Variants in AKAP10 observed in about 807,000 individuals in gnomAD.
AKAP10 encodes the protein A-kinase anchoring protein 10, also known as A-kinase anchor protein 10, mitochondrial.
A neutral mutation model predicts 80.8 loss-of-function variants in AKAP10; 24 were observed. The observed-to-expected ratio is 0.30, with a 90% confidence interval of 0.22 to 0.42. The LOEUF (loss-of-function observed/expected upper bound fraction) is 0.42. AKAP10 is among the 10% of genes least tolerant of loss of function. AKAP10 has a pLI of 1.00. For synonymous variants in AKAP10, 291 were observed against 277.7 expected, an observed-to-expected ratio of 1.05 and a Z score of -0.48; for missense variants, 661 against 794.9, an observed-to-expected ratio of 0.83 and a Z score of 2.03.
intron 14 of AKAP10, among the ~76,000 whole-genome samples, chr17:19,906,437 G>A (rs921923438): frequency 2.0e-5 from 3 of 152,152 alleles, no homozygotes; most frequent in South Asian, 4.1e-4. Context: ...AAGAGGTTAC[G>A]TAACTTACCC....
At position 19,924,512 on chromosome 17, in the gene AKAP10, A is replaced by C. The variant is rs772936898; in HGVS notation, c.1647T>G (p.Ser549Arg). 6.3e-7 allele frequency: 1 copy of C among 1,589,684 alleles called. No individual in the cohort carries two copies. Among genetic ancestry groups the C allele is most frequent in the Non-Finnish European group, 8.6e-7 (1 of 1,162,464 alleles). ...GTATTTTAATACTGGCTTTTTTCAC[A>C]CTGGACTACAATAGAAATTGTAAAA... ...GSSDSSASQSSVKKASIKILK... is the reference protein window; with the variant it reads ...GSSDSSASQSRVKKASIKILK... Residue 549 changes from serine to arginine, a missense_variant, in exon 11 of 15, where the codon AGT becomes AGG. Coordinates refer to ENST00000225737, the MANE Select transcript of AKAP10 (RefSeq NM_007202.4).
intron 3 of AKAP10, 107 bp downstream of exon 3, chr17:19,962,733 T>G: frequency 8.4e-7 from 1 of 1,184,912 alleles, no homozygotes; most frequent in Non-Finnish European, 1.2e-6. Flanking sequence ...AATACATTTT[T>G]TCCAAAGCAC....
Position 19,975,621 on chromosome 17 carries a change from C to T in AKAP10, c.88+1971G>A, listed in dbSNP as rs563090738. 3.7e-4 allele frequency among the ~76,000 whole-genome samples: 56 copies of T among 152,334 alleles called. 3 individuals carry two copies. The South Asian group carries it at 0.011, about 31-fold the overall frequency. On this transcript the variant is annotated intron_variant, in intron 1 of 14. Transcript: ENST00000225737. ...TTGTAAGTATACACCTATACACACA[C>T]ACTTACATGGAGCGAAAGGGAGAAG...
intron 11 of AKAP10, among the ~76,000 whole-genome samples, chr17:19,922,230 GA>G (rs551177587): frequency 6.5e-4 from 99 of 152,214 alleles, no homozygotes; most frequent in African/African-American, 2.3e-3. Context: ...TCGGTTAAAA[GA>G]AAAATTCTGT....
At chr17:19,907,712 C>A (rs1171961706) in intron 14 of AKAP10, among the ~76,000 whole-genome samples, 2 of 151,836 alleles carry the variant, frequency 1.3e-5, no homozygotes, top group Non-Finnish European at 2.9e-5. Flanking sequence ...GCCACTTGAA[C>A]ATATTTTTAA....
intron 2 of AKAP10, among the ~76,000 whole-genome samples, chr17:19,967,379 T>C (rs963463793): frequency 1.3e-5 from 2 of 152,252 alleles, no homozygotes; most frequent in Non-Finnish European, 2.9e-5. Context: ...ACCATACTTC[T>C]GGATAAATGA....
intron 11 of AKAP10, 33 bp from the exon 12 acceptor site, chr17:19,920,151 T>C: frequency 6.8e-7 from 1 of 1,472,984 alleles, no homozygotes; most frequent in South Asian, 1.2e-5. Context: ...CTTTAACTTC[T>C]AACAATCAGT....
chr17:19,972,912 C>A (rs1441072557), intron 1 of AKAP10, among the ~76,000 whole-genome samples: 1 of 152,070 alleles, frequency 6.6e-6, no homozygotes, highest in African/African-American at 2.4e-5. Context: ...ACATTCCAGG[C>A]TCTTATTTAC....
Position 19,909,932 on chromosome 17 carries a change from A to G in AKAP10, c.1881T>C (p.Thr627=). 1 of 1,613,682 alleles carries G rather than the reference A, an allele frequency of 6.2e-7. No individual in the cohort carries two copies. The change falls in exon 13 of 15, where the codon ACT becomes ACC. Residue 627 remains threonine, a synonymous_variant. Transcript: ENST00000225737. ...QAMKKWVQGN[T]DEAQEELAWK... ...TCCTAAAGGTAGGATTTACCTCATC[A>G]GTATTTCCTTGCACCCATTTCTTCA...
At chr17:19,935,734 C>G (rs2042985385) in intron 9 of AKAP10, among the ~76,000 whole-genome samples, 1 of 152,102 alleles carries the variant, frequency 6.6e-6, no homozygotes, top group Non-Finnish European at 1.5e-5. Context: ...TCTTGTCCCA[C>G]TGGAAGGTCT....
chr17:19,953,038 A>T (rs958562656), intron 4 of AKAP10, among the ~76,000 whole-genome samples: 4 of 152,114 alleles, frequency 2.6e-5, no homozygotes, highest in African/African-American at 4.8e-5. Flanking sequence ...TTAAAAATTA[A>T]TAAATGAAAT....
At chr17:19,927,910 C>CAA (rs1321932725) in intron 10 of AKAP10, among the ~76,000 whole-genome samples, 1 of 137,740 alleles carries the variant, frequency 7.3e-6, no homozygotes. Flanking sequence ...GACTCCTTCT[C>CAA]AAAAAAAAAA....
rs574265314 is a variant in AKAP10 at position 19,956,862 on chromosome 17, G to A, written c.877+1152C>T. 2.0e-4 allele frequency among the ~76,000 whole-genome samples: 31 copies of A among 152,192 alleles called. 1 individual carries two copies. The South Asian group carries it at 6.4e-3, about 32-fold the overall frequency. On this transcript the variant is annotated intron_variant, in intron 4 of 14. Transcript: ENST00000225737. ...TCTACTAAAATATAAAAATTAGCCA[G>A]GAGTGGTGGCGGGCGCCTGTAATCC...
At chr17:19,907,410 C>G (rs2042642677) in intron 14 of AKAP10, among the ~76,000 whole-genome samples, 1 of 136,412 alleles carries the variant, frequency 7.3e-6, no homozygotes, top group South Asian at 2.3e-4. Context: ...TTTTCTTTAA[C>G]TTTTTTTTTT....
chr17:19,936,556 C>T, intron 8 of AKAP10, 126 bp from the exon 9 acceptor site: 2 of 915,820 alleles, frequency 2.2e-6, no homozygotes, highest in Non-Finnish European at 1.6e-6. Context: ...AACTATAGAG[C>T]TATGTGATGA....
At chr17:19,972,033 G>C (rs971752469) in intron 1 of AKAP10, among the ~76,000 whole-genome samples, 1 of 152,190 alleles carries the variant, frequency 6.6e-6, no homozygotes, top group Non-Finnish European at 1.5e-5. Context: ...TTGAACCCAG[G>C]AGGCAGAGAT....
intron 10 of AKAP10, among the ~76,000 whole-genome samples, chr17:19,928,010 A>G (rs1382435738): frequency 1.3e-5 from 2 of 152,154 alleles, no homozygotes; most frequent in East Asian, 3.9e-4. Context: ...ACCTGAGGTC[A>G]GGAGTTTGTG....
At chr17:19,951,064 T>G (rs1421516048) in intron 4 of AKAP10, among the ~76,000 whole-genome samples, 1 of 150,728 alleles carries the variant, frequency 6.6e-6, no homozygotes, top group Middle Eastern at 3.3e-3. Context: ...GAGGAGCCCC[T>G]CCGCCCGGCA....
chr17:19,955,486 A>C (rs1302617749), intron 4 of AKAP10, among the ~76,000 whole-genome samples: 1 of 152,250 alleles, frequency 6.6e-6, no homozygotes, highest in African/African-American at 2.4e-5. Context: ...ATGCTCTTTT[A>C]ATAACTCCAC....
Sources: allele counts gnomAD v4.1 joint callset (sites outside exome capture counted in the v4.1 genomes callset), GRCh38; gene constraint gnomAD v4.1.1; transcripts MANE v1.5; gene names NCBI Gene and HGNC (gene_info 2026-07-23, HGNC 2026-07-21).